Variants in NRG1 observed in about 807,000 individuals in gnomAD.
NRG1 encodes the protein neuregulin 1.
NRG1 carries 18 observed loss-of-function variants against 63.8 expected under a neutral mutation model. That is an observed-to-expected ratio of 0.28 (90% CI 0.19 to 0.42). The LOEUF (loss-of-function observed/expected upper bound fraction) is 0.42. Ranked by LOEUF, NRG1 falls within the 10% of genes least tolerant of loss-of-function variation. The pLI, the probability that NRG1 is intolerant of heterozygous loss-of-function variation, is 1.00. For missense variants in NRG1, 762 were observed against 814.7 expected (o/e 0.94, Z 0.79); for synonymous variants, 302 against 301.3 (o/e 1.00, Z -0.02).
chr8:32,426,221 T>C (rs951810947), intron 1 of NRG1, among the ~76,000 whole-genome samples: 1 of 152,088 alleles, frequency 6.6e-6, no homozygotes. Flanking sequence ...ACTAGATAAA[T>C]ATCCAGTGAA....
At chr8:32,309,670 A>C (rs1856602204) in intron 1 of NRG1, among the ~76,000 whole-genome samples, 1 of 152,166 alleles carries the variant, frequency 6.6e-6, no homozygotes, top group Non-Finnish European at 1.5e-5. Context: ...GCTCAGCAGT[A>C]TGGTGGACTT....
In NRG1 at chr8:32,230,634, A is replaced by G. The variant is rs926282475; in HGVS notation, c.38-365194A>G. 2.0e-5 allele frequency among the ~76,000 whole-genome samples: 3 copies of G among 152,180 alleles called. No individual in the cohort carries two copies. The South Asian group carries it at 6.2e-4, about 32-fold the overall frequency. Reference sequence around the variant, plus strand: ...CATAACAGTCCAAATGAGAGGACCAAAAGGCCTGGAGTCACGTCATTGCAG... The same window carrying G: ...CATAACAGTCCAAATGAGAGGACCAGAAGGCCTGGAGTCACGTCATTGCAG... On this transcript the variant is annotated intron_variant, in intron 1 of 10. Transcript: ENST00000519301.
At chr8:32,170,472 T>C (rs928875418) in intron 1 of NRG1, among the ~76,000 whole-genome samples, 3 of 152,186 alleles carry the variant, frequency 2.0e-5, no homozygotes, top group Non-Finnish European at 2.9e-5. Flanking sequence ...TATTGTTGCC[T>C]CTGGTTGTGC....
chr8:31,778,671 A>C (rs1819390186), intron 1 of NRG1, among the ~76,000 whole-genome samples: 1 of 152,236 alleles, frequency 6.6e-6, no homozygotes, highest in African/African-American at 2.4e-5. Context: ...AGATTTGACT[A>C]TGTGACATTA....
intron 1 of NRG1, among the ~76,000 whole-genome samples, chr8:31,785,137 T>G (rs1586395240): frequency 6.6e-6 from 1 of 152,220 alleles, no homozygotes; most frequent in South Asian, 2.1e-4. Context: ...ATGTGGTGAA[T>G]TTTGTGCTTA....
intron 1 of NRG1, among the ~76,000 whole-genome samples, chr8:31,946,097 C>T (rs1329161207): frequency 6.6e-6 from 1 of 152,178 alleles, no homozygotes; most frequent in African/African-American, 2.4e-5. Flanking sequence ...GTTGTCATAT[C>T]TGAGTAACTG....
At chr8:31,824,300 T>C (rs1440244436) in intron 1 of NRG1, among the ~76,000 whole-genome samples, 1 of 151,820 alleles carries the variant, frequency 6.6e-6, no homozygotes, top group Non-Finnish European at 1.5e-5. Context: ...TTGCGATAGT[T>C]TGCTGAGAAT....
intron 1 of NRG1, among the ~76,000 whole-genome samples, chr8:31,791,795 C>T (rs182983956): frequency 3.9e-5 from 6 of 152,250 alleles, no homozygotes; most frequent in East Asian, 1.9e-4. Flanking sequence ...TCTTGCCCTT[C>T]GCTACAGAAT....
intron 1 of NRG1, among the ~76,000 whole-genome samples, chr8:32,376,094 TA>T (rs1458895968): frequency 6.6e-6 from 1 of 152,212 alleles, no homozygotes; most frequent in Non-Finnish European, 1.5e-5. Flanking sequence ...AAGGAACATT[TA>T]AAAGCTTATA....
chr8:32,471,049 A>C (rs1194248205), intron 1 of NRG1, among the ~76,000 whole-genome samples: 1 of 151,968 alleles, frequency 6.6e-6, no homozygotes, highest in Non-Finnish European at 1.5e-5. Context: ...CAATCCTCCC[A>C]CCTCAGCCTC....
At chr8:32,160,977 T>G (rs1459770908) in intron 1 of NRG1, among the ~76,000 whole-genome samples, 1 of 152,198 alleles carries the variant, frequency 6.6e-6, no homozygotes, top group Non-Finnish European at 1.5e-5. Flanking sequence ...CTTTTCTTAA[T>G]GATGTTCCTG....
intron 1 of NRG1, among the ~76,000 whole-genome samples, chr8:32,274,070 G>A (rs928437154): frequency 6.6e-6 from 1 of 152,100 alleles, no homozygotes; most frequent in Non-Finnish European, 1.5e-5. Flanking sequence ...TGGAAAAAAA[G>A]AAGAAAAAGA....
intron 1 of NRG1, among the ~76,000 whole-genome samples, chr8:31,804,957 G>A (rs542707672): frequency 6.6e-6 from 1 of 152,180 alleles, no homozygotes; most frequent in Non-Finnish European, 1.5e-5. Context: ...TTACTACTGG[G>A]ACTGTTACTG....
chr8:32,478,767 C>A (rs1211041745), intron 1 of NRG1, among the ~76,000 whole-genome samples: 1 of 152,130 alleles, frequency 6.6e-6, no homozygotes, highest in East Asian at 1.9e-4. Flanking sequence ...TTAAAATGAT[C>A]CAAGATGTTT....
intron 1 of NRG1, among the ~76,000 whole-genome samples, chr8:32,497,677 G>A (rs373242272): frequency 2.6e-5 from 4 of 152,114 alleles, no homozygotes; most frequent in East Asian, 3.9e-4. Flanking sequence ...ACATGTGTAC[G>A]TGACTAGTCT....
chr8:31,988,165 T>C (rs1810411181), intron 1 of NRG1, among the ~76,000 whole-genome samples: 1 of 152,134 alleles, frequency 6.6e-6, no homozygotes, highest in African/African-American at 2.4e-5. Context: ...TTTCCTTTCC[T>C]TTCTAGGGAC....
rs113955833 is a variant in NRG1, at chr8:32,346,834, CT to C, written c.38-248981del. ...GCATCACCTCAAGCATTTATCTTAT[CT>C]TTTTTTTTTTTTGAGATGGAGTCTT... On this transcript the variant is annotated intron_variant, in intron 1 of 10. Transcript: ENST00000519301. 3.0e-3 allele frequency among the ~76,000 whole-genome samples: 432 copies of C among 144,610 alleles called. 3 individuals are homozygous for C. Among genetic ancestry groups the C allele is most frequent in the African/African-American group, 6.4e-3 (253 of 39,784 alleles). The allele number at this position is 144,610 out of a possible 152,430, so 94.9% of individuals were successfully genotyped here.
At chr8:31,936,186 T>TA (rs968913380) in intron 1 of NRG1, among the ~76,000 whole-genome samples, 3 of 152,224 alleles carry the variant, frequency 2.0e-5, no homozygotes, top group African/African-American at 4.8e-5. Context: ...AAAGAACTTT[T>TA]AAAATTTTTA....
chr8:32,492,535 C>T (rs1192073869), intron 1 of NRG1, among the ~76,000 whole-genome samples: 3 of 151,820 alleles, frequency 2.0e-5, no homozygotes, highest in African/African-American at 7.3e-5. Flanking sequence ...ACTCCAAAGA[C>T]TTGATTAATA....
Sources: allele counts gnomAD v4.1 joint callset (sites outside exome capture counted in the v4.1 genomes callset), GRCh38; gene constraint gnomAD v4.1.1; transcripts MANE v1.5; gene names NCBI Gene and HGNC (gene_info 2026-07-23, HGNC 2026-07-21).